SAMD4A: variants seen among roughly 807,000 people sequenced by gnomAD.
SAMD4A encodes the protein sterile alpha motif domain containing 4A.
In SAMD4A, 33 loss-of-function variants were observed where a neutral mutation model predicts 81.3. The ratio of observed to expected loss-of-function variants is 0.41; its 90% confidence interval spans 0.31 to 0.54. SAMD4A has a LOEUF of 0.54. Ranked by LOEUF, SAMD4A falls within the 20% of genes least tolerant of loss-of-function variation. SAMD4A has a pLI of 0.37. For synonymous variants in SAMD4A, 389 were observed against 382.1 expected (o/e 1.02, Z -0.21); for missense variants, 854 against 951.1 (o/e 0.90, Z 1.34).
intron 8 of SAMD4A, among the ~76,000 whole-genome samples, chr14:54,769,892 G>A (rs891712961): frequency 3.9e-5 from 6 of 152,172 alleles, no homozygotes; most frequent in South Asian, 4.1e-4. Context: ...AGTTTGATGC[G>A]TGTACCTTAT....
intron 4 of SAMD4A, among the ~76,000 whole-genome samples, chr14:54,748,473 T>C (rs2038019937): frequency 6.6e-6 from 1 of 152,196 alleles, no homozygotes; most frequent in Non-Finnish European, 1.5e-5. Context: ...TTGGGAATCT[T>C]ATAGAAGCTA....
chr14:54,722,227 G>A (rs1344221826), intron 3 of SAMD4A, among the ~76,000 whole-genome samples: 1 of 152,156 alleles, frequency 6.6e-6, no homozygotes. Context: ...CCCATAATAT[G>A]TCTCAGGTGG....
intron 2 of SAMD4A, among the ~76,000 whole-genome samples, chr14:54,684,304 T>C (rs2036198502): frequency 6.6e-6 from 1 of 152,216 alleles, no homozygotes. Flanking sequence ...AGCAGCTTAC[T>C]TTCAGGAAAT....
chr14:54,609,334 A>T (rs1309911832), intron 2 of SAMD4A, among the ~76,000 whole-genome samples: 2 of 152,242 alleles, frequency 1.3e-5, no homozygotes, highest in Non-Finnish European at 2.9e-5. Flanking sequence ...AGGTTGGAAG[A>T]GGCAAGGAAA....
chr14:54,578,585 G>A (rs2033374815), intron 2 of SAMD4A, among the ~76,000 whole-genome samples: 1 of 152,034 alleles, frequency 6.6e-6, no homozygotes, highest in African/African-American at 2.4e-5. Context: ...GGTTGTGTGT[G>A]CCTGTAGTCC....
intron 2 of SAMD4A, among the ~76,000 whole-genome samples, chr14:54,668,607 G>A (rs914105237): frequency 4.6e-5 from 7 of 152,096 alleles, no homozygotes; most frequent in African/African-American, 1.7e-4. Flanking sequence ...GTATTTATTT[G>A]TATTAGCTAG....
chr14:54,748,687 G>A (rs2140967892), intron 4 of SAMD4A, 128 bp from the exon 5 acceptor site: 1 of 644,492 alleles, frequency 1.6e-6, no homozygotes, highest in South Asian at 1.9e-5. Flanking sequence ...TAACATAAAG[G>A]TGTTACTTTT....
intron 6 of SAMD4A, among the ~76,000 whole-genome samples, chr14:54,756,363 C>T (rs190586081): frequency 2.0e-5 from 3 of 152,280 alleles, no homozygotes; most frequent in East Asian, 1.9e-4. Context: ...TGCTCGGCCA[C>T]GTATAGCGTC....
At chr14:54,581,841 T>G (rs1394496570) in intron 2 of SAMD4A, among the ~76,000 whole-genome samples, 1 of 152,368 alleles carries the variant, frequency 6.6e-6, no homozygotes, top group Middle Eastern at 3.4e-3. Context: ...TTTGAGTATT[T>G]TTGGTATACC....
chr14:54,661,805 T>C (rs897526428), intron 2 of SAMD4A, among the ~76,000 whole-genome samples: 3 of 152,220 alleles, frequency 2.0e-5, no homozygotes, highest in Admixed American at 6.5e-5. Flanking sequence ...GCATCTCTGT[T>C]CTGAGGACAG....
chr14:54,773,658 G>T (rs1270138182), intron 9 of SAMD4A, among the ~76,000 whole-genome samples: 1 of 152,204 alleles, frequency 6.6e-6, no homozygotes, highest in African/African-American at 2.4e-5. Flanking sequence ...GCATGGACCT[G>T]CCCTGGCCCT....
chr14:54,584,984 C>A (rs2033575518), intron 2 of SAMD4A, among the ~76,000 whole-genome samples: 2 of 152,080 alleles, frequency 1.3e-5, no homozygotes, highest in South Asian at 4.1e-4. Flanking sequence ...ATAAATAACA[C>A]CTATAATCCT....
At chr14:54,643,892 AAAG>A (rs2035227727) in intron 2 of SAMD4A, among the ~76,000 whole-genome samples, 1 of 152,146 alleles carries the variant, frequency 6.6e-6, no homozygotes, top group South Asian at 2.1e-4. Flanking sequence ...TCCACCAAAG[AAAG>A]AAGAAAAGAG....
chr14:54,723,999 T>TAGAAGGAAGGAAGGAA (rs1555347484), intron 3 of SAMD4A, among the ~76,000 whole-genome samples: 2 of 52,994 alleles, frequency 3.8e-5, no homozygotes, highest in African/African-American at 1.0e-4. Context: ...ATTGGATGGA[T>TAGAAGGAAGGAAGGAA]GGATGGATGG....
Position 54,749,625 on chromosome 14 carries a change from C to G in SAMD4A, c.1089+701C>G, listed in dbSNP as rs193087944. Among the ~76,000 whole-genome samples the G allele has an allele frequency of 2.2e-3, 333 of 152,304 alleles. 3 individuals carry two copies. The highest frequency in any genetic ancestry group is 7.4e-3 in the African/African-American group (308 of 41,568). ...TCCCCTTCCTTCTAAGGCATCTTTC[C>G]CCGATGTGGATGCCAAAGGCCAGTC... is the stretch of plus-strand genomic sequence containing the variant. On this transcript the variant is annotated intron_variant, in intron 5 of 12. Transcript: ENST00000554335.
At chr14:54,683,815 G>T (rs1010668824) in intron 2 of SAMD4A, among the ~76,000 whole-genome samples, 2 of 152,180 alleles carry the variant, frequency 1.3e-5, no homozygotes, top group Admixed American at 1.3e-4. Context: ...ATAGATCCAG[G>T]TGGGCACAGT....
intron 7 of SAMD4A, among the ~76,000 whole-genome samples, chr14:54,761,689 T>C (rs2139867252): frequency 6.6e-6 from 1 of 152,328 alleles, no homozygotes; most frequent in East Asian, 1.9e-4. Context: ...AGCCTGCACA[T>C]CCACATGGGA....
In SAMD4A at chr14:54,723,370, A is replaced by G. The variant is rs571506444; in HGVS notation, c.716-13654A>G. Among the ~76,000 whole-genome samples, 197 of 152,202 alleles carry G rather than the reference A, an allele frequency of 1.3e-3. 2 individuals are homozygous for G. Among genetic ancestry groups the G allele is most frequent in the Non-Finnish European group, 3.7e-4 (25 of 68,036 alleles). On this transcript the variant is annotated intron_variant, in intron 3 of 12. Transcript: ENST00000554335. Reference sequence around the variant, plus strand: ...TGCTACTCAGAGCCATGAATTGTAAATGATTGCATGGAATAGCCAACTTGC... The same window carrying G: ...TGCTACTCAGAGCCATGAATTGTAAGTGATTGCATGGAATAGCCAACTTGC...
At chr14:54,719,949 T>C (rs2037218909) in intron 3 of SAMD4A, among the ~76,000 whole-genome samples, 1 of 152,200 alleles carries the variant, frequency 6.6e-6, no homozygotes, top group Non-Finnish European at 1.5e-5. Context: ...TTCTTGAATT[T>C]TCAAAATAAT....
Sources: allele counts gnomAD v4.1 joint callset (sites outside exome capture counted in the v4.1 genomes callset), GRCh38; gene constraint gnomAD v4.1.1; transcripts MANE v1.5; gene names NCBI Gene and HGNC (gene_info 2026-07-23, HGNC 2026-07-21).